ELN: variants seen among roughly 807,000 people sequenced by gnomAD.
ELN encodes the protein tropoelastin.
ELN carries 65 observed loss-of-function variants against 105.8 expected under a neutral mutation model. That is an observed-to-expected ratio of 0.61 (90% CI 0.50 to 0.75). ELN has a LOEUF of 0.75. Among genes scored for constraint, ELN ranks in the 30% least tolerant of loss-of-function variants. ELN has a pLI of 0.00. For missense variants in ELN, 882 were observed against 969.4 expected (o/e 0.91, Z 1.20); for synonymous variants, 368 against 389.2 (o/e 0.95, Z 0.64).
chr7:74,031,972 C>T (rs1341562580), intron 1 of ELN, among the ~76,000 whole-genome samples: 2 of 151,832 alleles, frequency 1.3e-5, no homozygotes, highest in Non-Finnish European at 2.9e-5. Context: ...CAGGCCCTGG[C>T]AGGCAGAACT....
At chr7:74,065,083 C>T (rs2132622866) in intron 29 of ELN, among the ~76,000 whole-genome samples, 1 of 152,126 alleles carries the variant, frequency 6.6e-6, no homozygotes, top group East Asian at 1.9e-4. Context: ...CCACCACCAC[C>T]TCTACGAAAT....
intron 15 of ELN, among the ~76,000 whole-genome samples, chr7:74,050,634 CA>C (rs1554675506): frequency 8.5e-5 from 13 of 152,152 alleles, no homozygotes; most frequent in Non-Finnish European, 1.5e-4. Context: ...TTCATTCATT[CA>C]TTCATTCTTT....
At chr7:74,048,781 C>T (rs1554674174) in intron 15 of ELN, among the ~76,000 whole-genome samples, 1 of 152,094 alleles carries the variant, frequency 6.6e-6, no homozygotes. Flanking sequence ...CTCCCTCCAT[C>T]CATTCCCATT....
rs1304292486 is a variant in ELN, at chr7:74,041,306, A to T, written c.232+55A>T. 6 of 1,607,230 alleles carry T rather than the reference A, an allele frequency of 3.7e-6. No individual in the cohort carries two copies. In the African/African-American group the frequency reaches 8.0e-5, roughly 21 times the overall value. On this transcript the variant is annotated intron_variant, in intron 5 of 32. Transcript: ENST00000252034. The stretch of plus-strand genomic sequence containing the variant: ...CCTGTGGGGACCAGCCCCTGAGCTC[A>T]ACCCAGGGCTGGTATGCAGCACGGT...
In ELN at chr7:74,035,365, G is replaced by T. The variant is rs782193520; in HGVS notation, c.84G>T (p.Gly28=). 1.2e-6 allele frequency: 2 copies of T among 1,614,004 alleles called. No homozygotes were observed. The highest frequency in any genetic ancestry group is 2.2e-5 in the East Asian group (1 of 44,886). Residue 28 remains glycine, a splice_region_variant and synonymous_variant, in exon 2 of 33, where the codon GGG becomes GGT. Coordinates refer to ENST00000252034, the MANE Select transcript of ELN (RefSeq NM_000501.4). ...LSILHPSRPG[G]VPGAIPGGVP... ...CTGACTCTACCTGTTTCCTTTCAGGGGTCCCTGGGGCCATTCCTGGTGGAG... is the reference window on the plus strand; with the variant it reads ...CTGACTCTACCTGTTTCCTTTCAGGTGTCCCTGGGGCCATTCCTGGTGGAG...
Position 74,060,016 on chromosome 7 carries a change from G to C in ELN, c.1545G>C (p.Val515=). 1 of 1,614,044 alleles carries C rather than the reference G, an allele frequency of 6.2e-7. No individual in the cohort carries two copies. Among genetic ancestry groups the C allele is most frequent in the Non-Finnish European group, 8.5e-7 (1 of 1,179,992 alleles). ...PGVGVAPGVG[V]APGIGPGGVA... is the part of the protein sequence containing the mutation. ...TTGGTGTGGCTCCTGGCGTTGGCGT[G>C]GCTCCCGGCATTGGCCCTGGTGGAG... The change falls in exon 23 of 33, where the codon GTG becomes GTC. Residue 515 remains valine (V), a synonymous_variant. Transcript: ENST00000252034.
Position 74,063,441 on chromosome 7 carries a change from C to T in ELN, c.1918+72C>T. 1 of 1,557,726 alleles carries T rather than the reference C, an allele frequency of 6.4e-7. No individual in the cohort carries two copies. The highest frequency in any genetic ancestry group is 8.7e-7 in the Non-Finnish European group (1 of 1,154,808). ...CCAGGGTGTGGGAGGAGCTTCTGAC[C>T]AGGCACTGTAGACTCAGAGTCCCTG... On this transcript the variant is annotated intron_variant, in intron 28 of 32. Transcript: ENST00000252034. The surrounding 1 kb of genome is among the most constrained non-coding windows in gnomAD (Gnocchi z 4.1).
intron 17 of ELN, 76 bp from the exon 18 acceptor site, chr7:74,053,087 C>T: frequency 6.2e-7 from 1 of 1,608,950 alleles, no homozygotes; most frequent in Non-Finnish European, 8.5e-7. Context: ...ACTGTCACTT[C>T]CATACTCTAC....
At chr7:74,064,294 A>T (rs193224617) in intron 29 of ELN, among the ~76,000 whole-genome samples, 2,449 of 151,946 alleles carry the variant, frequency 0.016, 15 homozygotes, top group Middle Eastern at 0.031. Flanking sequence ...AGACGCCTGT[A>T]GTCCCAGCTA....
At chr7:74,050,920 G>T (rs957955102) in intron 15 of ELN, among the ~76,000 whole-genome samples, 1 of 152,102 alleles carries the variant, frequency 6.6e-6, no homozygotes. Flanking sequence ...TGGGTACCAC[G>T]GTGGTTAGAA....
rs1243744384 is a variant in ELN at position 74,041,256 on chromosome 7, G to A, written c.232+5G>A. 1.2e-6 allele frequency: 2 copies of A among 1,613,818 alleles called. No homozygotes were observed. The highest frequency in any genetic ancestry group is 1.1e-5 in the South Asian group (1 of 91,080). ...CGGGTGCTGGCCTTGGGGCAGGTGA[G>A]TGCTGACACCCAAGAAAGATATCCC... On this transcript the variant is annotated splice_donor_5th_base_variant and intron_variant, in intron 5 of 32. Coordinates refer to ENST00000252034, the MANE Select transcript of ELN (RefSeq NM_000501.4).
intron 32 of ELN, 59 bp from the exon 33 acceptor site, chr7:74,068,598 A>ATT: frequency 6.2e-7 from 1 of 1,608,524 alleles, no homozygotes; most frequent in South Asian, 1.1e-5. Flanking sequence ...GCAGGCGGGG[A>ATT]TTAGAGCCGA....
intron 18 of ELN, among the ~76,000 whole-genome samples, chr7:74,053,999 T>C (rs1583882875): frequency 6.6e-6 from 1 of 151,962 alleles, no homozygotes; most frequent in Middle Eastern, 3.4e-3. Context: ...AATGAGCACA[T>C]GGTTGGAGGG....
chr7:74,050,541 G>T (rs1245254059), intron 15 of ELN, among the ~76,000 whole-genome samples: 3 of 132,406 alleles, frequency 2.3e-5, no homozygotes, highest in Non-Finnish European at 4.9e-5. Context: ...ATTTCTCCAT[G>T]CATGCATCCA....
At chr7:74,047,499 C>T (rs1199755683) in intron 12 of ELN, among the ~76,000 whole-genome samples, 176 bp from the exon 13 acceptor site, 21 of 152,200 alleles carry the variant, frequency 1.4e-4, no homozygotes, top group Admixed American at 1.3e-3. Context: ...GCCTCGGGGG[C>T]AGAGGTGTCC....
chr7:74,047,247 T>TCA (rs1177365612), intron 12 of ELN, among the ~76,000 whole-genome samples: 1 of 152,056 alleles, frequency 6.6e-6, no homozygotes, highest in African/African-American at 2.4e-5. Context: ...GGTATTGAAC[T>TCA]CACACACACA....
At chr7:74,028,322 GGGCCA>G in intron 1 of ELN, 53 bp downstream of exon 1, 1 of 1,571,548 alleles carries the variant, frequency 6.4e-7, no homozygotes, top group East Asian at 2.3e-5. Flanking sequence ...CGGGCCCTTT[GGGCCA>G]GGTGACTAGA....
At position 74,042,720 on chromosome 7, in the gene ELN, T is replaced by C; in HGVS notation, c.325+14T>C. On this transcript the variant is annotated intron_variant, in intron 6 of 32. Transcript: ENST00000252034. ...CTGCTAAGGCTGGTGAGTGGTGCTC[T>C]TTGGGACATGCCACAAGCCCTCTGG... 7 of 1,611,720 alleles carry C rather than the reference T, an allele frequency of 4.3e-6. No individual in the cohort carries two copies. Among genetic ancestry groups the C allele is most frequent in the Non-Finnish European group, 5.9e-6 (7 of 1,179,936 alleles).
At chr7:74,042,805 G>C (rs1329468453) in intron 6 of ELN, 99 bp downstream of exon 6, 2 of 1,543,546 alleles carry the variant, frequency 1.3e-6, no homozygotes, top group African/African-American at 1.4e-5. Flanking sequence ...TGGGAGCCGG[G>C]TGGGTGGGAT....
Sources: allele counts gnomAD v4.1 joint callset (sites outside exome capture counted in the v4.1 genomes callset), GRCh38; gene constraint gnomAD v4.1.1; non-coding constraint Gnocchi (gnomAD v3.1); transcripts MANE v1.5; gene names NCBI Gene and HGNC (gene_info 2026-07-23, HGNC 2026-07-21).